Variants in CSMD1 observed in about 807,000 individuals in gnomAD.
CSMD1 encodes CUB and sushi domain-containing protein 1.
In CSMD1, 213 loss-of-function variants were observed where a neutral mutation model predicts 417.5. The ratio of observed to expected loss-of-function variants is 0.51; its 90% CI spans 0.46 to 0.57. The LOEUF (loss-of-function observed/expected upper bound fraction) is 0.57. Ranked by LOEUF, CSMD1 falls within the 20% of genes least tolerant of loss-of-function variation. CSMD1 has a pLI of 0.00. For missense variants in CSMD1, 6,923 were observed against 4,529.7 expected, an observed-to-expected ratio of 1.53 and a Z score of -15.17; for synonymous variants, 2,862 against 1,736.8, an observed-to-expected ratio of 1.65 and a Z score of -16.11.
intron 1 of CSMD1, among the ~76,000 whole-genome samples, chr8:4,974,926 A>C (rs1402568894): frequency 1.3e-5 from 2 of 152,222 alleles, no homozygotes; most frequent in Non-Finnish European, 2.9e-5. Flanking sequence ...ACTGGGGTTT[A>C]AAGAGAGAGA....
intron 1 of CSMD1, among the ~76,000 whole-genome samples, chr8:4,659,056 C>T (rs759200637): frequency 6.6e-6 from 1 of 151,886 alleles, no homozygotes; most frequent in Non-Finnish European, 1.5e-5. Flanking sequence ...AATACATAAA[C>T]AAGAAAACCA....
At chr8:3,229,843 G>T (rs1798730346) in intron 27 of CSMD1, among the ~76,000 whole-genome samples, 197 bp downstream of exon 27, 1 of 152,278 alleles carries the variant, frequency 6.6e-6, no homozygotes, top group South Asian at 2.1e-4. Context: ...ACCTTAAGGG[G>T]ATGACTTCCT....
At chr8:3,342,269 G>T (rs926874782) in intron 23 of CSMD1, among the ~76,000 whole-genome samples, 3 of 152,028 alleles carry the variant, frequency 2.0e-5, no homozygotes, top group Non-Finnish European at 4.4e-5. Context: ...TTCGTCTTAG[G>T]CTCCTGGATT....
intron 33 of CSMD1, among the ~76,000 whole-genome samples, chr8:3,195,676 G>A (rs1796666711): frequency 6.6e-6 from 1 of 152,184 alleles, no homozygotes; most frequent in South Asian, 2.1e-4. Context: ...TTAGGGAGAA[G>A]AGGGGAAGCT....
intron 1 of CSMD1, among the ~76,000 whole-genome samples, chr8:4,726,522 T>G (rs891557942): frequency 2.0e-5 from 3 of 152,136 alleles, no homozygotes; most frequent in African/African-American, 7.2e-5. Context: ...AGGGCTTTAA[T>G]GAGAATACAA....
intron 5 of CSMD1, among the ~76,000 whole-genome samples, chr8:3,977,818 T>C (rs752412311): frequency 1.3e-5 from 2 of 152,208 alleles, no homozygotes; most frequent in Non-Finnish European, 1.5e-5. Context: ...CTTATATGAT[T>C]CTGTAGGTTT....
rs942848758 is a variant in CSMD1 at position 3,975,878 on chromosome 8, A to C, written c.818+22025T>G. On this transcript the variant is annotated intron_variant, in intron 5 of 69. Transcript: ENST00000635120. Reference sequence around the variant, plus strand: ...TGTCCTTCATTTTTCCACAAATATTATGTTTTCATTAGTTGCAAATGAGTG... The same window carrying C: ...TGTCCTTCATTTTTCCACAAATATTCTGTTTTCATTAGTTGCAAATGAGTG... Among the ~76,000 whole-genome samples the C allele has an allele frequency of 2.0e-5, 3 of 152,178 alleles. No individual in the cohort carries two copies. The East Asian group carries it at 5.8e-4, about 29-fold the overall frequency.
chr8:4,222,546 G>C (rs1295682475), intron 3 of CSMD1, among the ~76,000 whole-genome samples: 2 of 152,118 alleles, frequency 1.3e-5, no homozygotes, highest in African/African-American at 4.8e-5. Context: ...AAAAACCACA[G>C]AAGTACAGAA....
chr8:3,673,277 C>A (rs1188323306), intron 7 of CSMD1, among the ~76,000 whole-genome samples: 2 of 152,146 alleles, frequency 1.3e-5, no homozygotes, highest in Admixed American at 1.3e-4. Flanking sequence ...TCCTCTTTTT[C>A]TCAAATCCGT....
chr8:3,776,346 T>C (rs146795451), intron 5 of CSMD1, among the ~76,000 whole-genome samples: 348 of 152,222 alleles, frequency 2.3e-3, no homozygotes, highest in African/African-American at 8.0e-3. Context: ...AGCGACACTC[T>C]CCAGGGGTCA....
At chr8:3,994,985 A>C (rs551187189) in intron 5 of CSMD1, among the ~76,000 whole-genome samples, 2 of 152,136 alleles carry the variant, frequency 1.3e-5, no homozygotes, top group African/African-American at 4.8e-5. Context: ...CTGTGGAATG[A>C]CCCTGTGCTT....
intron 41 of CSMD1, chr8:3,128,918 G>C (rs750937862): frequency 5.8e-5 from 26 of 446,864 alleles, no homozygotes; most frequent in African/African-American, 4.5e-4. Context: ...AAGAGACAAA[G>C]GGAAAGCAGA....
At chr8:4,559,019 G>C (rs900065853) in intron 2 of CSMD1, among the ~76,000 whole-genome samples, 10 of 152,030 alleles carry the variant, frequency 6.6e-5, no homozygotes. Flanking sequence ...ATTCATCGTA[G>C]AGTTCTTTGC....
intron 3 of CSMD1, among the ~76,000 whole-genome samples, chr8:4,109,392 T>C (rs1445457988): frequency 1.3e-5 from 2 of 152,180 alleles, no homozygotes; most frequent in African/African-American, 2.4e-5. Flanking sequence ...TATAGTGACC[T>C]AGCAAAAATA....
chr8:4,549,358 A>G (rs1319749110), intron 2 of CSMD1, among the ~76,000 whole-genome samples: 1 of 152,206 alleles, frequency 6.6e-6, no homozygotes, highest in Non-Finnish European at 1.5e-5. Flanking sequence ...TGACTCTCTA[A>G]TAATGGGGTA....
intron 4 of CSMD1, among the ~76,000 whole-genome samples, chr8:4,021,688 C>A (rs554963047): frequency 1.3e-5 from 2 of 152,172 alleles, no homozygotes; most frequent in East Asian, 1.9e-4. Flanking sequence ...GAAACTTGTT[C>A]GGAGTGACTA....
intron 49 of CSMD1, among the ~76,000 whole-genome samples, chr8:3,084,182 G>A (rs186707770): frequency 2.0e-5 from 3 of 152,240 alleles, no homozygotes; most frequent in Admixed American, 6.5e-5. Flanking sequence ...GTCATATGAG[G>A]CCAAAGTGTT....
chr8:3,414,305 C>T (rs1450491775), intron 12 of CSMD1, among the ~76,000 whole-genome samples: 6 of 147,006 alleles, frequency 4.1e-5, no homozygotes, highest in African/African-American at 1.0e-4. Context: ...AAGGGGCCTA[C>T]GGAAAATATT....
chr8:3,861,802 C>G lies in CSMD1; in HGVS notation c.819-107760G>C, dbSNP rs114731029. Among the ~76,000 whole-genome samples, 534 of 152,262 alleles carry G rather than the reference C, an allele frequency of 3.5e-3. 3 individuals are homozygous for G. Among genetic ancestry groups the G allele is most frequent in the African/African-American group, 0.012 (503 of 41,546 alleles). ...CTGAGTATCCTGTCTGCTTATCTTT[C>G]TAAGTGTGCCGATTACAGATGTGAC... On this transcript the variant is annotated intron_variant, in intron 5 of 69. Transcript: ENST00000635120.
Sources: allele counts gnomAD v4.1 joint callset (sites outside exome capture counted in the v4.1 genomes callset), GRCh38; gene constraint gnomAD v4.1.1; transcripts MANE v1.5; gene names NCBI Gene and HGNC (gene_info 2026-07-23, HGNC 2026-07-21).